The following ROBO2 variants were observed in gnomAD, a reference collection of about 807,000 sequenced individuals.
ROBO2 encodes the protein roundabout guidance receptor 2, also known as roundabout homolog 2.
Under a neutral mutation model 160.8 loss-of-function variants are expected in ROBO2, and 53 were observed. The observed-to-expected ratio is 0.33, with a 90% confidence interval of 0.26 to 0.41. The LOEUF (loss-of-function observed/expected upper bound fraction) is 0.41, where lower values mean the gene tolerates loss of function less well. Ranked by LOEUF, ROBO2 falls within the 10% of genes least tolerant of loss-of-function variation. ROBO2 has a pLI of 1.00. For missense variants in ROBO2, 1,577 were observed against 1,722.4 expected, an observed-to-expected ratio of 0.92 and a Z score of 1.49; for synonymous variants, 664 against 611.7, an observed-to-expected ratio of 1.09 and a Z score of -1.26.
intron 2 of ROBO2, among the ~76,000 whole-genome samples, chr3:77,362,866 A>T (rs9868763): frequency 0.27 from 41,208 of 151,998 alleles, 6,119 homozygotes; most frequent in East Asian, 0.51. Context: ...ACTCCTTTTT[A>T]TAAAACCATC....
At chr3:77,458,543 G>A (rs1039356488) in intron 2 of ROBO2, among the ~76,000 whole-genome samples, 2 of 151,746 alleles carry the variant, frequency 1.3e-5, no homozygotes, top group African/African-American at 4.8e-5. Context: ...ATGTAACACT[G>A]ATCAGCAATT....
chr3:76,952,369 G>T (rs184669124), intron 2 of ROBO2, among the ~76,000 whole-genome samples: 1 of 151,744 alleles, frequency 6.6e-6, no homozygotes, highest in African/African-American at 2.4e-5. Context: ...CACAACCTCC[G>T]CCTCCCGGGT....
intron 2 of ROBO2, among the ~76,000 whole-genome samples, chr3:76,284,706 G>C (rs1390290846): frequency 2.0e-5 from 3 of 152,104 alleles, no homozygotes; most frequent in Non-Finnish European, 4.4e-5. Context: ...TGGCTACCAA[G>C]TTTAATTTTA....
rs1022493271 is a variant in ROBO2 at position 76,479,737 on chromosome 3, A to G, written c.109+542135A>G. On this transcript the variant is annotated intron_variant, in intron 2 of 26. Coordinates refer to the ROBO2 transcript ENST00000487694. ...TCAGATTTGAAAATTATCTCATCCA[A>G]CTACTTGCTGAGTGATGAAACTGAG... is the stretch of plus-strand genomic sequence containing the variant. Among the ~76,000 whole-genome samples, 5 of 152,202 alleles carry G rather than the reference A, an allele frequency of 3.3e-5. No homozygotes were observed. The South Asian group carries it at 1.0e-3, about 31-fold the overall frequency.
chr3:77,532,485 T>C (rs2091815353), intron 6 of ROBO2, among the ~76,000 whole-genome samples: 1 of 151,972 alleles, frequency 6.6e-6, no homozygotes, highest in Admixed American at 6.6e-5. Flanking sequence ...TCAATAACCT[T>C]TTCTTCTGTT....
intron 2 of ROBO2, among the ~76,000 whole-genome samples, chr3:76,688,879 A>G (rs1242010955): frequency 6.6e-6 from 1 of 151,960 alleles, no homozygotes; most frequent in Non-Finnish European, 1.5e-5. Flanking sequence ...ACATGGTATA[A>G]AAAATGAGTC....
At chr3:77,209,519 T>C (rs1312585367) in intron 2 of ROBO2, among the ~76,000 whole-genome samples, 1 of 152,198 alleles carries the variant, frequency 6.6e-6, no homozygotes, top group East Asian at 1.9e-4. Context: ...TGAATGTCAT[T>C]AGACAATCAA....
intron 2 of ROBO2, among the ~76,000 whole-genome samples, chr3:76,276,842 A>G (rs1048004466): frequency 2.6e-5 from 4 of 151,990 alleles, no homozygotes; most frequent in African/African-American, 9.7e-5. Flanking sequence ...AAATATAACC[A>G]GAGCCATGAT....
chr3:76,074,844 C>T (rs1421520834), intron 2 of ROBO2, among the ~76,000 whole-genome samples: 1 of 151,860 alleles, frequency 6.6e-6, no homozygotes, highest in African/African-American at 2.4e-5. Flanking sequence ...ATAAATTGAT[C>T]AAAAAATGGT....
chr3:76,528,949 A>G (rs1399366130), intron 2 of ROBO2, among the ~76,000 whole-genome samples: 1 of 152,150 alleles, frequency 6.6e-6, no homozygotes, highest in Non-Finnish European at 1.5e-5. Context: ...TGATAGGCCA[A>G]GTAGAAAGAG....
At chr3:77,247,496 A>G (rs1461109275) in intron 2 of ROBO2, among the ~76,000 whole-genome samples, 4 of 152,222 alleles carry the variant, frequency 2.6e-5, no homozygotes, top group Admixed American at 2.0e-4. Context: ...GCTGAGAGTG[A>G]TTCCATATTC....
At chr3:76,118,727 T>C (rs1162303349) in intron 2 of ROBO2, among the ~76,000 whole-genome samples, 2 of 152,174 alleles carry the variant, frequency 1.3e-5, no homozygotes, top group African/African-American at 4.8e-5. Context: ...ACTGTATATG[T>C]TTCTGAAAAA....
At chr3:76,781,285 T>G (rs563400348) in intron 2 of ROBO2, among the ~76,000 whole-genome samples, 5 of 150,866 alleles carry the variant, frequency 3.3e-5, no homozygotes, top group Admixed American at 2.6e-4. Flanking sequence ...TTCACAAAAT[T>G]GATTAATTCT....
chr3:77,038,433 C>CT (rs1322965146), upstream of ROBO2, among the ~76,000 whole-genome samples: 1 of 152,092 alleles, frequency 6.6e-6, no homozygotes, highest in Non-Finnish European at 1.5e-5. Context: ...TGTCGCTGAC[C>CT]TTTTTTTAAA....
intron 17 of ROBO2, among the ~76,000 whole-genome samples, chr3:77,594,864 G>A (rs1394717200): frequency 6.6e-6 from 1 of 152,086 alleles, no homozygotes; most frequent in African/African-American, 2.4e-5. Flanking sequence ...TATACTAATT[G>A]TAACAGGTTT....
chr3:77,321,168 T>G (rs1464346721), intron 2 of ROBO2, among the ~76,000 whole-genome samples: 1 of 152,160 alleles, frequency 6.6e-6, no homozygotes, highest in Non-Finnish European at 1.5e-5. Flanking sequence ...GAAGGAATTA[T>G]AAAGTATCGC....
At chr3:77,127,931 T>C (rs1256157673) in intron 2 of ROBO2, among the ~76,000 whole-genome samples, 1 of 152,210 alleles carries the variant, frequency 6.6e-6, no homozygotes, top group East Asian at 1.9e-4. Flanking sequence ...GATTACTTAC[T>C]AGCTATGTAA....
chr3:77,095,462 T>C (rs920848283), intron 1 of ROBO2, among the ~76,000 whole-genome samples: 1 of 149,642 alleles, frequency 6.7e-6, no homozygotes, highest in Non-Finnish European at 1.5e-5. Context: ...AATAAGTTAG[T>C]GCACAAGTTG....
chr3:77,305,112 T>G (rs2062988086), intron 2 of ROBO2, among the ~76,000 whole-genome samples: 1 of 152,228 alleles, frequency 6.6e-6, no homozygotes, highest in Non-Finnish European at 1.5e-5. Flanking sequence ...CAATTGTATT[T>G]GAAAAGTTGC....
Sources: allele counts gnomAD v4.1 joint callset (sites outside exome capture counted in the v4.1 genomes callset), GRCh38; gene constraint gnomAD v4.1.1; transcripts MANE v1.5; gene names NCBI Gene and HGNC (gene_info 2026-07-23, HGNC 2026-07-21).